PSMB2: variants seen among roughly 807,000 people sequenced by gnomAD.
The protein encoded by PSMB2 is proteasome 20S subunit beta 2.
In PSMB2, 13 loss-of-function variants were observed where a neutral mutation model predicts 25.7. The observed-to-expected ratio is 0.51, with a 90% confidence interval of 0.33 to 0.80. The LOEUF (loss-of-function observed/expected upper bound fraction) is 0.80, where lower values mean the gene tolerates loss of function less well. Ranked by LOEUF, PSMB2 falls within the 30% of genes least tolerant of loss-of-function variation. The pLI, the probability that PSMB2 is intolerant of heterozygous loss-of-function variation, is 0.02. For synonymous variants in PSMB2, 87 were observed against 96.2 expected (o/e 0.90, Z 0.56); for missense variants, 202 against 259.0 (o/e 0.78, Z 1.51).
intron 3 of PSMB2, among the ~76,000 whole-genome samples, chr1:35,631,064 A>G (rs1413258048): frequency 6.6e-6 from 1 of 152,212 alleles, no homozygotes; most frequent in Non-Finnish European, 1.5e-5. Context: ...GTCCCAACCA[A>G]TTCTCTGGGA....
intron 1 of PSMB2, among the ~76,000 whole-genome samples, chr1:35,640,927 T>C (rs1380640889): frequency 6.6e-6 from 1 of 152,136 alleles, no homozygotes; most frequent in East Asian, 1.9e-4. Context: ...TCTGCCTGTT[T>C]CGCCTGTAAT....
Position 35,603,122 on chromosome 1 carries a change from A to C in PSMB2, c.*145T>G. The stretch of plus-strand genomic sequence containing the variant: ...CTGAGGTAATATTAGGTAAACTGAG[A>C]CCTGGACCAGAGGGCTCAATTATAT... On this transcript the variant is annotated 3_prime_UTR_variant, in exon 6 of 6. Transcript: ENST00000373237. The C allele has an allele frequency of 7.0e-7, 1 of 1,428,302 alleles. No homozygotes were observed. The highest frequency in any genetic ancestry group is 9.2e-7 in the Non-Finnish European group (1 of 1,091,460). The allele number at this position is 1,428,302 out of a possible 1,614,324, so 88.5% of individuals were successfully genotyped here. A position where few individuals can be genotyped will look rare whatever the true frequency, so the allele number is the denominator to read the frequency against.
rs562567159 is a variant in PSMB2 at position 35,632,938 on chromosome 1, C to T, written c.215-1594G>A. Among the ~76,000 whole-genome samples, 5 of 151,962 alleles carry T rather than the reference C, an allele frequency of 3.3e-5. No individual in the cohort carries two copies. In the South Asian group the frequency reaches 6.2e-4, roughly 19 times the overall value. On this transcript the variant is annotated intron_variant, in intron 2 of 5. Transcript: ENST00000373237. ...AATAATAATAATTTAAAAAAAGAGG[C>T]CAGGCACAGTGGCTCACACCTGTAA...
chr1:35,613,997 C>T (rs571511752), intron 3 of PSMB2, among the ~76,000 whole-genome samples: 2 of 152,276 alleles, frequency 1.3e-5, no homozygotes, highest in African/African-American at 2.4e-5. Context: ...AGGGAAATTC[C>T]TATGTGTCTT....
chr1:35,622,822 A>G (rs369256922), intron 3 of PSMB2, among the ~76,000 whole-genome samples: 42 of 151,974 alleles, frequency 2.8e-4, no homozygotes, highest in African/African-American at 7.7e-4. Context: ...AAAAAAAAAA[A>G]AAAGAAAGAA....
intron 3 of PSMB2, among the ~76,000 whole-genome samples, chr1:35,622,553 G>C (rs749357608): frequency 2.0e-5 from 3 of 152,084 alleles, no homozygotes; most frequent in Non-Finnish European, 2.9e-5. Flanking sequence ...TTGTGGATAG[G>C]AAAGATGCTT....
At chr1:35,624,322 A>G (rs539492260) in intron 3 of PSMB2, among the ~76,000 whole-genome samples, 1 of 152,206 alleles carries the variant, frequency 6.6e-6, no homozygotes, top group Non-Finnish European at 1.5e-5. Context: ...CAGCAGAGCT[A>G]GTATTAACCC....
chr1:35,625,130 T>G (rs190674205), intron 3 of PSMB2, among the ~76,000 whole-genome samples: 1 of 152,136 alleles, frequency 6.6e-6, no homozygotes, highest in Non-Finnish European at 1.5e-5. Flanking sequence ...AGAATAAAGT[T>G]TGAAAACCAC....
chr1:35,604,396 C>A (rs1010492213), intron 5 of PSMB2, among the ~76,000 whole-genome samples: 12 of 152,150 alleles, frequency 7.9e-5, no homozygotes, highest in Non-Finnish European at 1.5e-4. Flanking sequence ...TTAGGGGAGG[C>A]TTTTTCTCAC....
chr1:35,606,856 T>G (rs969808549), intron 4 of PSMB2, among the ~76,000 whole-genome samples: 1 of 152,156 alleles, frequency 6.6e-6, no homozygotes, highest in East Asian at 1.9e-4. Context: ...AATAGACACA[T>G]AGACCAATTA....
chr1:35,601,785 T>C lies in PSMB2; in HGVS notation c.*1482A>G. On this transcript the variant is annotated 3_prime_UTR_variant, in exon 6 of 6. Transcript: ENST00000373237. ...CTAGACCAGCAGCATCAGTAGCAAC[T>C]GGAAATGTGAGATGAACATTCTGAA... 2.0e-6 allele frequency: 2 copies of C among 985,452 alleles called. No individual in the cohort carries two copies. Among genetic ancestry groups the C allele is most frequent in the Non-Finnish European group, 2.4e-6 (2 of 829,936 alleles). The allele number at this position is 985,452 out of a possible 1,614,324, so 61.0% of individuals were successfully genotyped here. A position where few individuals can be genotyped will look rare whatever the true frequency, so the allele number is the denominator to read the frequency against.
intron 1 of PSMB2, among the ~76,000 whole-genome samples, chr1:35,640,055 CTATAA>C (rs753937007): frequency 0.038 from 5,599 of 146,774 alleles, 150 homozygotes; most frequent in African/African-American, 0.055. Flanking sequence ...CCCCTAAGTA[CTATAA>C]TATACTATAC....
At chr1:35,635,828 CAAAAAAAAA>C (rs1163061850) in intron 2 of PSMB2, among the ~76,000 whole-genome samples, 440 of 34,258 alleles carry the variant, frequency 0.013, 8 homozygotes, top group Non-Finnish European at 0.021. Flanking sequence ...GACTCCGTCT[CAAAAAAAAA>C]AAAAAAAAAA....
Position 35,628,648 on chromosome 1 carries a change from T to TTTTTTTTA in PSMB2, c.285+2625_285+2626insTAAAAAAA, listed in dbSNP as rs1553125213. On this transcript the variant is annotated intron_variant, in intron 3 of 5. Transcript: ENST00000373237. The stretch of plus-strand genomic sequence containing the variant: ...ATATATATATTTTTTTTTTTTTTTT[T>TTTTTTTTA]AAAGAAAAGACTACTGATCTTTCAC... Among the ~76,000 whole-genome samples, 57 of 34,680 alleles carry TTTTTTTTA rather than the reference T, an allele frequency of 1.6e-3. 2 individuals are homozygous for TTTTTTTTA. The highest frequency in any genetic ancestry group is 3.5e-3 in the Non-Finnish European group (40 of 11,582). The allele number at this position is 34,680 out of a possible 152,430, so 22.8% of individuals were successfully genotyped here.
chr1:35,635,776 C>A (rs191292891), intron 2 of PSMB2, among the ~76,000 whole-genome samples: 2 of 129,670 alleles, frequency 1.5e-5, no homozygotes, highest in East Asian at 4.5e-4. Flanking sequence ...TTGCAGTAAG[C>A]AGAGATCGCG....
chr1:35,622,196 C>G (rs2148570651), intron 3 of PSMB2, among the ~76,000 whole-genome samples: 1 of 152,020 alleles, frequency 6.6e-6, no homozygotes, highest in South Asian at 2.1e-4. Flanking sequence ...GAGATCAGCC[C>G]CTAAATTCAT....
At position 35,641,523 on chromosome 1, in the gene PSMB2, G is replaced by C; in HGVS notation, c.-91C>G. The C allele has an allele frequency of 6.4e-7, 1 of 1,573,018 alleles. No homozygotes were observed. Among genetic ancestry groups the C allele is most frequent in the Non-Finnish European group, 8.6e-7 (1 of 1,156,492 alleles). On this transcript the variant is annotated 5_prime_UTR_variant, in exon 1 of 6. In the 5' UTR this introduces an upstream ATG that the reference lacks. Coordinates refer to ENST00000373237, the MANE Select transcript of PSMB2 (RefSeq NM_002794.5). The stretch of plus-strand genomic sequence containing the variant: ...CGGTGAGACAGCACCTCAGAGCGAA[G>C]ATTGGCGCGACGCCTGCAGCACGAC...
chr1:35,632,180 C>T (rs1467349504), intron 2 of PSMB2, among the ~76,000 whole-genome samples: 2 of 152,172 alleles, frequency 1.3e-5, no homozygotes, highest in Non-Finnish European at 2.9e-5. Context: ...AGAACATTTC[C>T]ATCATTCTGC....
Position 35,609,263 on chromosome 1 carries a change from T to G in PSMB2, c.431A>C (p.Asp144Ala). Residue 144 changes from aspartate (D) to alanine (A), a missense_variant, in exon 4 of 6, where the codon GAC becomes GCC. Physicochemically the swap from Asp to Ala is moderately radical, Grantham distance 126. Coordinates refer to ENST00000373237, the MANE Select transcript of PSMB2 (RefSeq NM_002794.5). ...ATACTTACTCGGTGTGTAGTATCGG[T>G]CGAGGATACTGAGAGTCAGGAAGGC... Reference protein sequence around the residue: ...YGAFLTLSILDRYYTPTISRE... With the variant: ...YGAFLTLSILARYYTPTISRE... 6.2e-7 allele frequency: 1 copy of G among 1,605,520 alleles called. No homozygotes were observed. Among genetic ancestry groups the G allele is most frequent in the Non-Finnish European group, 8.5e-7 (1 of 1,175,860 alleles).
Sources: gnomAD v4.1 joint callset for allele counts (sites outside exome capture counted in the v4.1 genomes callset) on GRCh38, gnomAD v4.1.1 for gene constraint, MANE v1.5 for transcripts, NCBI Gene and HGNC (gene_info 2026-07-23, HGNC 2026-07-21) for gene names.